FHOD3: variants seen among roughly 807,000 people sequenced by gnomAD.
FHOD3 encodes the protein formin homology 2 domain containing 3.
FHOD3 carries 90 observed loss-of-function variants against 173.0 expected under a neutral mutation model. That is an observed-to-expected ratio of 0.52 (90% CI 0.44 to 0.62). FHOD3 has a LOEUF of 0.62. Among genes scored for constraint, FHOD3 ranks in the 20% least tolerant of loss-of-function variants. The pLI is 0.00. For synonymous variants in FHOD3, 828 were observed against 823.0 expected, an observed-to-expected ratio of 1.01 and a Z score of -0.10; for missense variants, 1,945 against 2,034.7, an observed-to-expected ratio of 0.96 and a Z score of 0.85.
chr18:36,300,764 G>A (rs965127079), intron 1 of FHOD3, among the ~76,000 whole-genome samples: 2 of 151,924 alleles, frequency 1.3e-5, no homozygotes, highest in Admixed American at 1.3e-4. Context: ...TTGTGACAGG[G>A]TCTCACTCTT....
At chr18:36,623,719 T>A (rs1022527570) in intron 9 of FHOD3, among the ~76,000 whole-genome samples, 1 of 152,198 alleles carries the variant, frequency 6.6e-6, no homozygotes, top group Non-Finnish European at 1.5e-5. Flanking sequence ...TCGTCACCTA[T>A]GGGAGTTTGT....
At chr18:36,313,425 C>T (rs1314065578) in intron 1 of FHOD3, among the ~76,000 whole-genome samples, 22 of 152,184 alleles carry the variant, frequency 1.4e-4, no homozygotes, top group African/African-American at 4.1e-4. Flanking sequence ...AGAATTATCT[C>T]GGGCCACCCT....
intron 8 of FHOD3, among the ~76,000 whole-genome samples, chr18:36,610,924 G>A (rs902174032): frequency 1.3e-5 from 2 of 152,188 alleles, no homozygotes; most frequent in African/African-American, 4.8e-5. Flanking sequence ...GTTGCCTCAG[G>A]CGTTTATCCT....
At chr18:36,615,924 T>A (rs2033153903) in intron 9 of FHOD3, among the ~76,000 whole-genome samples, 1 of 152,182 alleles carries the variant, frequency 6.6e-6, no homozygotes, top group African/African-American at 2.4e-5. Context: ...GCCCAACATA[T>A]TTGCTGGCAG....
At chr18:36,609,464 C>A (rs560859322) in intron 8 of FHOD3, among the ~76,000 whole-genome samples, 1 of 152,240 alleles carries the variant, frequency 6.6e-6, no homozygotes, top group South Asian at 2.1e-4. Flanking sequence ...TCATTTCCCC[C>A]GCAGCCTGCA....
At chr18:36,452,051 T>C (rs2051883644) in intron 3 of FHOD3, among the ~76,000 whole-genome samples, 1 of 152,142 alleles carries the variant, frequency 6.6e-6, no homozygotes, top group Non-Finnish European at 1.5e-5. Flanking sequence ...CAAGCTGGGC[T>C]CCTGGGGATG....
At chr18:36,730,852 A>G in intron 20 of FHOD3, 48 bp downstream of exon 20, 1 of 1,528,252 alleles carries the variant, frequency 6.5e-7, no homozygotes, top group Non-Finnish European at 9.0e-7. Context: ...CTTATACTGC[A>G]TGTATAATAT....
At chr18:36,592,428 G>T (rs1457296077) in intron 6 of FHOD3, among the ~76,000 whole-genome samples, 2 of 152,216 alleles carry the variant, frequency 1.3e-5, no homozygotes, top group East Asian at 1.9e-4. Context: ...TGTGAAAAAC[G>T]CTCACACAAC....
At chr18:36,663,285 C>T (rs886839301) in intron 14 of FHOD3, among the ~76,000 whole-genome samples, 4 of 152,202 alleles carry the variant, frequency 2.6e-5, no homozygotes, top group Non-Finnish European at 5.9e-5. Context: ...CTTTGTTTCC[C>T]TACCGTGTGT....
At chr18:36,501,213 C>T (rs546306507) in intron 3 of FHOD3, among the ~76,000 whole-genome samples, 15 of 152,340 alleles carry the variant, frequency 9.8e-5, no homozygotes, top group African/African-American at 3.4e-4. Context: ...TGGGATCTTT[C>T]ATCTGCCTTG....
At chr18:36,578,633 C>G (rs1599732854) in intron 6 of FHOD3, among the ~76,000 whole-genome samples, 1 of 152,168 alleles carries the variant, frequency 6.6e-6, no homozygotes, top group Admixed American at 6.5e-5. Flanking sequence ...CCTGGAGTCA[C>G]CTGCCTCCCA....
intron 1 of FHOD3, among the ~76,000 whole-genome samples, chr18:36,351,004 C>T (rs1267848618): frequency 6.6e-6 from 1 of 152,094 alleles, no homozygotes; most frequent in Non-Finnish European, 1.5e-5. Context: ...TCCTCCTTGG[C>T]TCATGTGATG....
At chr18:36,555,156 T>C (rs1312134201) in intron 5 of FHOD3, among the ~76,000 whole-genome samples, 2 of 152,184 alleles carry the variant, frequency 1.3e-5, no homozygotes, top group African/African-American at 4.8e-5. Flanking sequence ...AGACTTTTGT[T>C]GTAGACTTGC....
intron 6 of FHOD3, among the ~76,000 whole-genome samples, chr18:36,580,243 CCT>C (rs1335789080): frequency 3.3e-5 from 5 of 152,182 alleles, no homozygotes; most frequent in African/African-American, 1.2e-4. Flanking sequence ...CTCTTCAGGG[CCT>C]CTGTCTAAGG....
chr18:36,653,515 C>A, intron 13 of FHOD3, 99 bp downstream of exon 13: 1 of 857,168 alleles, frequency 1.2e-6, no homozygotes, highest in South Asian at 1.6e-5. Context: ...CTTCCTACAA[C>A]GTGACACACA....
chr18:36,660,991 A>G (rs1477001095), intron 14 of FHOD3, among the ~76,000 whole-genome samples: 1 of 152,094 alleles, frequency 6.6e-6, no homozygotes, highest in Non-Finnish European at 1.5e-5. Context: ...TGTCTTTTTC[A>G]CTGTCACCTT....
At chr18:36,341,985 C>A (rs547287701) in intron 1 of FHOD3, among the ~76,000 whole-genome samples, 1 of 152,024 alleles carries the variant, frequency 6.6e-6, no homozygotes, top group African/African-American at 2.4e-5. Flanking sequence ...TAAATACATA[C>A]TAGAAAATAG....
At chr18:36,763,671 A>G (rs1968334) in intron 27 of FHOD3, among the ~76,000 whole-genome samples, 1,592 of 121,726 alleles carry the variant, frequency 0.013, 116 homozygotes, top group Middle Eastern at 0.028. Context: ...TATAATATAT[A>G]TGTATTATAT....
chr18:36,545,176 T>C (rs1003202512), intron 5 of FHOD3, among the ~76,000 whole-genome samples: 1 of 152,204 alleles, frequency 6.6e-6, no homozygotes, highest in Non-Finnish European at 1.5e-5. Context: ...CAAAAATTCA[T>C]TTTGTGCCCC....
Sources: allele counts gnomAD v4.1 joint callset (sites outside exome capture counted in the v4.1 genomes callset), GRCh38; gene constraint gnomAD v4.1.1; transcripts MANE v1.5; gene names NCBI Gene and HGNC (gene_info 2026-07-23, HGNC 2026-07-21).